LSAMP: variants seen among roughly 807,000 people sequenced by gnomAD.
LSAMP encodes limbic system-associated membrane protein.
LSAMP carries 7 observed loss-of-function variants against 38.6 expected under a neutral mutation model. The observed-to-expected ratio is 0.18, with a 90% CI of 0.10 to 0.34. LSAMP has a LOEUF of 0.34. Among genes scored for constraint, LSAMP ranks in the 10% least tolerant of loss-of-function variants. The probability of loss-of-function intolerance (pLI) is 1.00; values close to 1 mark genes in which losing one functional copy is unlikely to be tolerated. For missense variants in LSAMP, 313 were observed against 420.0 expected (o/e 0.75, Z 2.23); for synonymous variants, 154 against 166.8 (o/e 0.92, Z 0.59).
intron 1 of LSAMP, among the ~76,000 whole-genome samples, chr3:116,373,566 TAA>T (rs1244720643): frequency 1.3e-5 from 2 of 151,842 alleles, no homozygotes; most frequent in Admixed American, 1.3e-4. Flanking sequence ...TAAATATGCC[TAA>T]GACAGTAAAT....
chr3:116,230,289 G>A (rs1469571116), intron 1 of LSAMP, among the ~76,000 whole-genome samples: 2 of 151,818 alleles, frequency 1.3e-5, no homozygotes, highest in Non-Finnish European at 2.9e-5. Flanking sequence ...AATACTCAAC[G>A]TTGGGCAGTC....
At chr3:116,025,473 T>C (rs1940764699) in intron 2 of LSAMP, among the ~76,000 whole-genome samples, 1 of 152,188 alleles carries the variant, frequency 6.6e-6, no homozygotes, top group African/African-American at 2.4e-5. Context: ...TTGATCGCTC[T>C]TTTGTTATTT....
chr3:116,204,896 G>T (rs2046044579), intron 1 of LSAMP, among the ~76,000 whole-genome samples: 1 of 141,532 alleles, frequency 7.1e-6, no homozygotes, highest in Admixed American at 7.3e-5. Context: ...CTCTTTTTTG[G>T]TTCCATATGA....
At chr3:116,296,125 G>A (rs375913981) in intron 1 of LSAMP, among the ~76,000 whole-genome samples, 6 of 152,274 alleles carry the variant, frequency 3.9e-5, no homozygotes, top group South Asian at 4.1e-4. Flanking sequence ...AGCTATTGTC[G>A]TAGCTCTCTA....
At chr3:115,831,784 C>A (rs1024389794) in intron 6 of LSAMP, among the ~76,000 whole-genome samples, 2 of 152,076 alleles carry the variant, frequency 1.3e-5, no homozygotes, top group African/African-American at 4.8e-5. Flanking sequence ...GAAGAAAACA[C>A]CTATCAGAAA....
intron 3 of LSAMP, among the ~76,000 whole-genome samples, chr3:115,898,392 T>C (rs3929558): frequency 0.19 from 29,560 of 151,880 alleles, 3,197 homozygotes; most frequent in African/African-American, 0.29. Context: ...AGCCATAAGG[T>C]GCACTTTGGG....
intron 1 of LSAMP, among the ~76,000 whole-genome samples, chr3:116,286,891 TAAA>T (rs79705073): frequency 5.2e-5 from 7 of 133,768 alleles, no homozygotes; most frequent in Admixed American, 7.6e-5. Flanking sequence ...TCTCTCAAGT[TAAA>T]AAAAAAAAAA....
chr3:116,173,526 T>A (rs1710257167), intron 1 of LSAMP, among the ~76,000 whole-genome samples: 1 of 151,812 alleles, frequency 6.6e-6, no homozygotes, highest in Non-Finnish European at 1.5e-5. Context: ...TGTCACCTTC[T>A]GTTACCACTT....
chr3:116,381,536 C>T (rs184647794), intron 1 of LSAMP, among the ~76,000 whole-genome samples: 1 of 152,048 alleles, frequency 6.6e-6, no homozygotes, highest in African/African-American at 2.4e-5. Context: ...CTTAAAATGA[C>T]AAGAGAAAAA....
At chr3:116,283,042 C>T (rs2047147411) in intron 1 of LSAMP, among the ~76,000 whole-genome samples, 4 of 152,072 alleles carry the variant, frequency 2.6e-5, no homozygotes, top group Admixed American at 2.0e-4. Flanking sequence ...TAAGCATCTC[C>T]CTGCTCTCCC....
intron 1 of LSAMP, among the ~76,000 whole-genome samples, chr3:116,319,552 A>G (rs969958786): frequency 6.6e-6 from 1 of 152,200 alleles, no homozygotes; most frequent in Non-Finnish European, 1.5e-5. Context: ...TTTTTTAAAT[A>G]TCACCAATTT....
At chr3:115,929,736 G>A (rs1393653753) in intron 3 of LSAMP, among the ~76,000 whole-genome samples, 1 of 152,056 alleles carries the variant, frequency 6.6e-6, no homozygotes, top group African/African-American at 2.4e-5. Context: ...AGGCATAAAA[G>A]AGCCCCTCCT....
intron 3 of LSAMP, among the ~76,000 whole-genome samples, chr3:115,990,545 A>T: frequency 6.6e-6 from 1 of 152,134 alleles, no homozygotes; most frequent in East Asian, 1.9e-4. Flanking sequence ...CTATTAAAAC[A>T]GTCTGAACAC....
intron 1 of LSAMP, among the ~76,000 whole-genome samples, chr3:116,157,840 C>G (rs1196966822): frequency 6.6e-6 from 1 of 151,972 alleles, no homozygotes; most frequent in Non-Finnish European, 1.5e-5. Flanking sequence ...AAGGACTCCT[C>G]CCTAACTCAT....
chr3:116,322,540 G>A (rs942133345), intron 1 of LSAMP, among the ~76,000 whole-genome samples: 2 of 152,110 alleles, frequency 1.3e-5, no homozygotes, highest in Admixed American at 6.5e-5. Context: ...CATTGAGAAT[G>A]TTTATTTTAT....
intron 1 of LSAMP, among the ~76,000 whole-genome samples, chr3:116,305,484 A>T (rs2047469226): frequency 1.3e-5 from 2 of 152,172 alleles, no homozygotes; most frequent in East Asian, 1.9e-4. Context: ...CTCATTTTCC[A>T]TTTCTACTGT....
intron 1 of LSAMP, among the ~76,000 whole-genome samples, chr3:116,162,002 C>T (rs1263184318): frequency 6.6e-6 from 1 of 151,764 alleles, no homozygotes; most frequent in Non-Finnish European, 1.5e-5. Context: ...CAAAATAACT[C>T]ACCCCCAAGC....
At chr3:116,307,283 T>C (rs1260813880) in intron 1 of LSAMP, among the ~76,000 whole-genome samples, 1 of 151,952 alleles carries the variant, frequency 6.6e-6, no homozygotes, top group African/African-American at 2.4e-5. Context: ...TCACCTCTAT[T>C]TGGGTTTGTA....
intron 1 of LSAMP, among the ~76,000 whole-genome samples, chr3:116,435,761 C>T (rs1310356641): frequency 6.6e-6 from 1 of 152,154 alleles, no homozygotes. Flanking sequence ...TCTACAAGGA[C>T]TATAATGAGT....
Sources: allele counts gnomAD v4.1 joint callset (sites outside exome capture counted in the v4.1 genomes callset), GRCh38; gene constraint gnomAD v4.1.1; transcripts MANE v1.5; gene names NCBI Gene and HGNC (gene_info 2026-07-23, HGNC 2026-07-21).